The following PICALM variants were observed in gnomAD, a reference collection of about 807,000 sequenced individuals.
PICALM encodes phosphatidylinositol-binding clathrin assembly protein.
In PICALM, 40 loss-of-function variants were observed where a neutral mutation model predicts 80.5. The ratio of observed to expected loss-of-function variants is 0.50; its 90% CI spans 0.39 to 0.65. PICALM has a LOEUF of 0.65. PICALM is among the 30% of genes least tolerant of loss of function. The pLI is 0.00. For synonymous variants in PICALM, 288 were observed against 260.3 expected (o/e 1.11, Z -1.02); for missense variants, 676 against 778.9 (o/e 0.87, Z 1.57).
intron 13 of PICALM, among the ~76,000 whole-genome samples, chr11:85,984,987 T>C (rs998706031): frequency 1.3e-5 from 2 of 152,180 alleles, no homozygotes; most frequent in Admixed American, 6.5e-5. Flanking sequence ...CCTCGTGGAA[T>C]GTCATAAGGC....
rs1253473238 is a variant in PICALM at position 86,068,728 on chromosome 11, G to A, written c.53C>T (p.Thr18Ile). 2 of 1,613,078 alleles carry A rather than the reference G, an allele frequency of 1.2e-6. No individual in the cohort carries two copies. Among genetic ancestry groups the A allele is most frequent in the South Asian group, 2.2e-5 (2 of 91,072 alleles). Reference protein sequence around the residue: ...DRITAAQHSVTGSAVSKTVCK... With the variant: ...DRITAAQHSVIGSAVSKTVCK... ...TACTGTCTTGGATACGGCAGAGCCG[G>A]TGACACTGTGCTGGGCGGCAGTGAT... Residue 18 changes from threonine (T) to isoleucine (I), a missense_variant, in exon 1 of 20, where the codon ACC becomes ATC. Physicochemically the swap from Thr to Ile is moderately conservative, Grantham distance 89. Coordinates refer to ENST00000393346, the MANE Select transcript of PICALM (RefSeq NM_007166.4).
intron 4 of PICALM, among the ~76,000 whole-genome samples, chr11:86,021,010 A>G (rs2095553723): frequency 6.6e-6 from 1 of 152,160 alleles, no homozygotes; most frequent in Admixed American, 6.5e-5. Flanking sequence ...TATTTTTTAA[A>G]ATTCTTGCAA....
intron 11 of PICALM, among the ~76,000 whole-genome samples, chr11:85,998,134 CAG>C (rs1378316451): frequency 1.3e-5 from 2 of 148,390 alleles, no homozygotes; most frequent in African/African-American, 5.0e-5. Context: ...TTATTTGAGA[CAG>C]AGTCTCGCTC....
At chr11:85,960,760 GC>G (rs2093660988) in intron 19 of PICALM, 1 of 1,300,704 alleles carries the variant, frequency 7.7e-7, no homozygotes, top group African/African-American at 1.5e-5. Context: ...GACTGGAGGG[GC>G]TGGATGCTGC....
Position 86,011,148 on chromosome 11 carries a change from A to G in PICALM, c.659-12T>C, listed in dbSNP as rs1355346070. On this transcript the variant is annotated splice_polypyrimidine_tract_variant and intron_variant, in intron 6 of 19. Transcript: ENST00000393346. Reference sequence around the variant, plus strand: ...ATCAAAATATTTTTCTGACAAAATAAATGTAAAAATTCTTTTGTTCACATC... The same window carrying G: ...ATCAAAATATTTTTCTGACAAAATAGATGTAAAAATTCTTTTGTTCACATC... The G allele has an allele frequency of 9.5e-6, 11 of 1,157,898 alleles. No individual in the cohort carries two copies. Among genetic ancestry groups the G allele is most frequent in the Non-Finnish European group, 1.4e-5 (11 of 792,120 alleles). The allele number at this position is 1,157,898 out of a possible 1,614,324, so 71.7% of individuals were successfully genotyped here. A position where few individuals can be genotyped will look rare whatever the true frequency, so the allele number is the denominator to read the frequency against.
intron 13 of PICALM, among the ~76,000 whole-genome samples, chr11:85,987,396 T>G (rs1305845430): frequency 1.3e-5 from 2 of 152,112 alleles, no homozygotes; most frequent in Admixed American, 1.3e-4. Flanking sequence ...ATATAGTAAG[T>G]AGAAAAAGAA....
At chr11:86,018,356 A>G (rs1421744943) in intron 4 of PICALM, among the ~76,000 whole-genome samples, 2 of 152,226 alleles carry the variant, frequency 1.3e-5, no homozygotes, top group African/African-American at 4.8e-5. Context: ...AAGAATACAA[A>G]TAACTATTTA....
intron 19 of PICALM, among the ~76,000 whole-genome samples, chr11:85,966,939 A>G (rs1277138796): frequency 6.6e-6 from 1 of 152,248 alleles, no homozygotes. Context: ...TGATTTCTCC[A>G]GAAGTGATAG....
At chr11:86,041,906 T>C (rs2095976620) in intron 1 of PICALM, among the ~76,000 whole-genome samples, 1 of 152,250 alleles carries the variant, frequency 6.6e-6, no homozygotes, top group East Asian at 1.9e-4. Flanking sequence ...ACTCTTGGAA[T>C]ACTCTGACTT....
chr11:86,066,302 G>C (rs1308850483), intron 1 of PICALM, among the ~76,000 whole-genome samples: 1 of 152,094 alleles, frequency 6.6e-6, no homozygotes, highest in Non-Finnish European at 1.5e-5. Context: ...ACAATGTAGG[G>C]AAAATAGTAT....
intron 8 of PICALM, among the ~76,000 whole-genome samples, chr11:86,004,527 T>A (rs2095235374): frequency 6.6e-6 from 1 of 152,108 alleles, no homozygotes; most frequent in Non-Finnish European, 1.5e-5. Context: ...TTTTTTTTAA[T>A]GGAAGACTAA....
Position 86,011,103 on chromosome 11 carries a change from T to C in PICALM, c.692A>G (p.Lys231Arg), listed in dbSNP as rs1187339484. Reference protein sequence around the residue: ...KYFDMKKNQCKEGLDIYKKFL... With the variant: ...KYFDMKKNQCREGLDIYKKFL... ...CTTCTTATAGATGTCAAGACCTTCT[T>C]TGCATTGGTTCTTTTTCATATCAAA... is the stretch of plus-strand genomic sequence containing the variant. The change falls in exon 7 of 20, where the codon AAA becomes AGA. Residue 231 changes from lysine to arginine, a missense_variant. Lys to Arg is a conservative substitution (Grantham distance 26, BLOSUM62 2). Around this residue, in one of 2 missense-constraint regions of PICALM, gnomAD observed 285 missense variants for 395.4 expected, o/e 0.72. Coordinates refer to ENST00000393346, the MANE Select transcript of PICALM (RefSeq NM_007166.4). 6 of 1,495,058 alleles carry C rather than the reference T, an allele frequency of 4.0e-6. No homozygotes were observed. In the Admixed American group the frequency reaches 5.7e-5, roughly 14 times the overall value. 92.6% of individuals were successfully genotyped at this position (1,495,058 alleles called of 1,614,324 possible).
chr11:85,971,273 T>A (rs548952947), intron 19 of PICALM, among the ~76,000 whole-genome samples: 1 of 152,348 alleles, frequency 6.6e-6, no homozygotes, highest in South Asian at 2.1e-4. Context: ...AACTAGAAAC[T>A]TATTACCCTA....
chr11:86,034,438 C>T (rs936384238), intron 1 of PICALM, among the ~76,000 whole-genome samples: 1 of 152,150 alleles, frequency 6.6e-6, no homozygotes, highest in African/African-American at 2.4e-5. Flanking sequence ...AAAAGTAACA[C>T]TTATCGGGGA....
upstream of PICALM, chr11:86,069,169 T>C (rs185464129): frequency 3.3e-3 from 684 of 210,308 alleles, 5 homozygotes; most frequent in Middle Eastern, 0.015. Flanking sequence ...TCCCGCCCCT[T>C]TCCCCTTCCC....
rs952569945 is a variant in PICALM, at chr11:85,978,200, CACTA to C, written c.1780-1522_1780-1519del. 7.6e-5 allele frequency: 65 copies of C among 852,056 alleles called. No homozygotes were observed. In the African/African-American group the frequency reaches 8.0e-4, roughly 10 times the overall value. 52.8% of individuals were successfully genotyped at this position (852,056 alleles called of 1,614,324 possible). A position where few individuals can be genotyped will look rare whatever the true frequency, so the allele number is the denominator to read the frequency against. Reference sequence around the variant, plus strand: ...GAGCATTTTAGTTCACATGTACATTCACTAACTACCTAAAATCCCTTGTATTTCC... The same window carrying C: ...GAGCATTTTAGTTCACATGTACATTCACTACCTAAAATCCCTTGTATTTCC... On this transcript the variant is annotated intron_variant, in intron 17 of 19. Coordinates refer to ENST00000393346, the MANE Select transcript of PICALM (RefSeq NM_007166.4).
chr11:85,992,291 T>G (rs1429310260), intron 12 of PICALM, among the ~76,000 whole-genome samples: 1 of 151,754 alleles, frequency 6.6e-6, no homozygotes, highest in South Asian at 2.1e-4. Context: ...TTTGTTTTTT[T>G]TTTTTTTGAG....
chr11:86,069,787 A>G (rs1486053817), upstream of PICALM: 1 of 151,496 alleles, frequency 6.6e-6, no homozygotes, highest in African/African-American at 2.4e-5. Context: ...GTTTATCTCT[A>G]CTCCGAAAAC....
intron 8 of PICALM, among the ~76,000 whole-genome samples, chr11:86,005,583 T>C (rs544366807): frequency 2.6e-3 from 391 of 152,146 alleles, no homozygotes; most frequent in Non-Finnish European, 4.6e-3. Context: ...CATATGCCTG[T>C]GGTCCCAGCT....
Sources: allele counts gnomAD v4.1 joint callset (sites outside exome capture counted in the v4.1 genomes callset), GRCh38; gene constraint gnomAD v4.1.1; regional missense constraint gnomAD v4.1.1; transcripts MANE v1.5; gene names NCBI Gene and HGNC (gene_info 2026-07-23, HGNC 2026-07-21).